The following ADGRL2 variants were observed in gnomAD, a reference collection of about 807,000 sequenced individuals.
ADGRL2 encodes the protein adhesion G protein-coupled receptor L2.
A neutral mutation model predicts 157.4 loss-of-function variants in ADGRL2; 44 were observed. The observed-to-expected ratio is 0.28, with a 90% CI of 0.22 to 0.36. ADGRL2 has a LOEUF of 0.36. Ranked by LOEUF, ADGRL2 falls within the 10% of genes least tolerant of loss-of-function variation. The pLI is 1.00. For missense variants in ADGRL2, 1,510 were observed against 1,768.9 expected, an observed-to-expected ratio of 0.85 and a Z score of 2.63; for synonymous variants, 585 against 624.7, an observed-to-expected ratio of 0.94 and a Z score of 0.95.
intron 1 of ADGRL2, among the ~76,000 whole-genome samples, chr1:81,721,034 C>CT (rs533654243): frequency 0.089 from 11,853 of 133,166 alleles, 626 homozygotes; most frequent in Middle Eastern, 0.12. Context: ...AAACAATTTC[C>CT]TTTTTTTTTT....
At chr1:81,847,800 A>G (rs11163389) in intron 2 of ADGRL2, among the ~76,000 whole-genome samples, 46,417 of 151,746 alleles carry the variant, frequency 0.31, 7,561 homozygotes, top group Middle Eastern at 0.5. Flanking sequence ...TATTATTTAA[A>G]GTAACACTAT....
intron 1 of ADGRL2, among the ~76,000 whole-genome samples, chr1:81,733,981 T>TA (rs1405118224): frequency 1.3e-5 from 2 of 151,900 alleles, no homozygotes; most frequent in African/African-American, 4.8e-5. Flanking sequence ...TCCCTGAACT[T>TA]AAACGTTAAA....
chr1:81,664,607 C>T (rs1323309328), intron 3 of ADGRL2, among the ~76,000 whole-genome samples: 1 of 152,162 alleles, frequency 6.6e-6, no homozygotes. Context: ...CTGTGATTGC[C>T]TTGCTTACCA....
At chr1:81,743,491 G>A (rs993828730) in intron 1 of ADGRL2, among the ~76,000 whole-genome samples, 4 of 150,582 alleles carry the variant, frequency 2.7e-5, no homozygotes, top group African/African-American at 9.8e-5. Context: ...TTTAAAGAGA[G>A]GAAAGAGAGG....
chr1:81,788,846 G>C (rs1443466819), intron 2 of ADGRL2, among the ~76,000 whole-genome samples: 1 of 152,090 alleles, frequency 6.6e-6, no homozygotes, highest in African/African-American at 2.4e-5. Flanking sequence ...CTCCCGAGTA[G>C]CTGGGATTAC....
At chr1:81,390,526 A>G (rs1219893305) in intron 1 of ADGRL2, among the ~76,000 whole-genome samples, 2 of 151,652 alleles carry the variant, frequency 1.3e-5, no homozygotes, top group Non-Finnish European at 3.0e-5. Context: ...TATGACAGGA[A>G]AGCTCAAATA....
chr1:81,814,557 C>T (rs1379685032), intron 1 of ADGRL2, among the ~76,000 whole-genome samples: 1 of 151,142 alleles, frequency 6.6e-6, no homozygotes, highest in African/African-American at 2.4e-5. Context: ...AAATTATAAA[C>T]CTGCATGTTT....
At chr1:81,484,098 A>T (rs2078449450) in intron 2 of ADGRL2, among the ~76,000 whole-genome samples, 1 of 152,210 alleles carries the variant, frequency 6.6e-6, no homozygotes, top group South Asian at 2.1e-4. Context: ...GGGGCTACTT[A>T]TACACACAAA....
At chr1:81,939,074 G>A (rs1324908927) in intron 4 of ADGRL2, among the ~76,000 whole-genome samples, 2 of 151,444 alleles carry the variant, frequency 1.3e-5, no homozygotes, top group African/African-American at 4.8e-5. Flanking sequence ...AATCCTCCAG[G>A]ATCTTATATA....
At chr1:81,894,086 C>A (rs1571963429) in intron 2 of ADGRL2, among the ~76,000 whole-genome samples, 1 of 152,136 alleles carries the variant, frequency 6.6e-6, no homozygotes, top group African/African-American at 2.4e-5. Context: ...TCAGGAAGAG[C>A]TTTTACAACT....
chr1:81,602,450 C>G (rs550399344), intron 3 of ADGRL2, among the ~76,000 whole-genome samples: 1 of 151,750 alleles, frequency 6.6e-6, no homozygotes. Flanking sequence ...AAAAATAGCC[C>G]GGCGTGGTGG....
chr1:81,788,610 A>C (rs1343019192), intron 2 of ADGRL2, among the ~76,000 whole-genome samples: 1 of 152,224 alleles, frequency 6.6e-6, no homozygotes, highest in Non-Finnish European at 1.5e-5. Flanking sequence ...CTAACACAGA[A>C]GGCACGTTTA....
intron 2 of ADGRL2, among the ~76,000 whole-genome samples, chr1:81,571,783 A>G (rs989260697): frequency 6.6e-6 from 1 of 152,204 alleles, no homozygotes; most frequent in Non-Finnish European, 1.5e-5. Context: ...TATTATGAAT[A>G]CTTCATATTT....
chr1:81,309,859 G>A (rs187091099), intron 1 of ADGRL2, among the ~76,000 whole-genome samples: 1 of 152,260 alleles, frequency 6.6e-6, no homozygotes, highest in African/African-American at 2.4e-5. Context: ...AAATTTGTCA[G>A]TGGTGTAAAG....
chr1:81,579,193 G>A (rs2080856894), intron 2 of ADGRL2: 1 of 152,134 alleles, frequency 6.6e-6, no homozygotes, highest in African/African-American at 2.4e-5. Flanking sequence ...TTAAGCTAAA[G>A]CAATGCAAAA....
chr1:81,338,730 G>T (rs542499342), intron 1 of ADGRL2, among the ~76,000 whole-genome samples: 1 of 152,212 alleles, frequency 6.6e-6, no homozygotes, highest in South Asian at 2.1e-4. Context: ...TTCCTCTTCT[G>T]CAAATGAGGA....
At chr1:81,755,189 GAT>G (rs10561035) in intron 1 of ADGRL2, among the ~76,000 whole-genome samples, 20,492 of 138,204 alleles carry the variant, frequency 0.15, 1,697 homozygotes, top group Non-Finnish European at 0.19. Flanking sequence ...TAGATTTAAA[GAT>G]ATATATATAT....
At chr1:81,974,385 G>T (rs907389086) in intron 17 of ADGRL2, among the ~76,000 whole-genome samples, 1 of 152,088 alleles carries the variant, frequency 6.6e-6, no homozygotes, top group Non-Finnish European at 1.5e-5. Flanking sequence ...AGCTCCATCT[G>T]CATCGTTAAT....
chr1:81,613,450 C>T (rs1401953141), intron 3 of ADGRL2, among the ~76,000 whole-genome samples: 2 of 152,082 alleles, frequency 1.3e-5, no homozygotes, highest in South Asian at 2.1e-4. Context: ...ATAGAGATAA[C>T]CCAGAAGAGA....
Sources: gnomAD v4.1 joint callset for allele counts (sites outside exome capture counted in the v4.1 genomes callset) on GRCh38, gnomAD v4.1.1 for gene constraint, MANE v1.5 for transcripts, NCBI Gene and HGNC (gene_info 2026-07-23, HGNC 2026-07-21) for gene names.